The following NUBPL variants were observed in gnomAD, a reference collection of about 807,000 sequenced individuals.
NUBPL encodes iron-sulfur cluster transfer protein NUBPL.
NUBPL carries 31 observed loss-of-function variants against 45.7 expected under a neutral mutation model. That is an observed-to-expected ratio of 0.68 (90% CI 0.51 to 0.92). NUBPL has a LOEUF of 0.92. NUBPL is among the 40% of genes least tolerant of loss of function. NUBPL has a pLI of 0.00. For missense variants in NUBPL, 401 were observed against 398.7 expected (o/e 1.01, Z -0.05); for synonymous variants, 144 against 140.9 (o/e 1.02, Z -0.15).
Position 31,707,058 on chromosome 14 carries a change from C to G in NUBPL, c.513+33484C>G, listed in dbSNP as rs7152742. The stretch of plus-strand genomic sequence containing the variant: ...AGTTTCATTTTCTCTTAGTGAATAC[C>G]CATTGTGTCTTTTTTTCCTTAATCG... On this transcript the variant is annotated intron_variant, in intron 6 of 10. Transcript: ENST00000281081. Among the ~76,000 whole-genome samples the G allele has an allele frequency of 6.5e-3, 993 of 152,236 alleles. 11 individuals carry two copies. Among genetic ancestry groups the G allele is most frequent in the African/African-American group, 0.022 (930 of 41,554 alleles).
At chr14:31,736,292 A>T (rs1233728128) in intron 6 of NUBPL, among the ~76,000 whole-genome samples, 1 of 152,226 alleles carries the variant, frequency 6.6e-6, no homozygotes, top group African/African-American at 2.4e-5. Flanking sequence ...AAGTGTGCTA[A>T]TCTTAAAATA....
intron 3 of NUBPL, among the ~76,000 whole-genome samples, chr14:31,573,185 A>C (rs1184784417): frequency 2.6e-5 from 4 of 152,184 alleles, no homozygotes; most frequent in African/African-American, 9.7e-5. Flanking sequence ...TGCTGTCACT[A>C]GGCAATGGGA....
intron 6 of NUBPL, among the ~76,000 whole-genome samples, chr14:31,699,051 C>T (rs1018342468): frequency 1.1e-4 from 17 of 152,054 alleles, no homozygotes; most frequent in South Asian, 1.0e-3. Context: ...GATGGCATTT[C>T]GCCATGTTGG....
rs189361279 is a variant in NUBPL at position 31,719,423 on chromosome 14, A to T, written c.513+45849A>T. Among the ~76,000 whole-genome samples, 382 of 152,322 alleles carry T rather than the reference A, an allele frequency of 2.5e-3. 1 individual carries two copies. The highest frequency in any genetic ancestry group is 8.4e-3 in the African/African-American group (349 of 41,574). On this transcript the variant is annotated intron_variant, in intron 6 of 10. Transcript: ENST00000281081. Reference sequence around the variant, plus strand: ...AGACATAAGTCATACAGGTTAAGACATTATAAATAAATTAAATGGGAAATA... The same window carrying T: ...AGACATAAGTCATACAGGTTAAGACTTTATAAATAAATTAAATGGGAAATA...
intron 8 of NUBPL, chr14:31,846,101 C>G (rs1205147983): frequency 3.4e-6 from 1 of 291,980 alleles, no homozygotes; most frequent in East Asian, 9.4e-5. Flanking sequence ...TTTTATTTTG[C>G]TACCTTGGCT....
At chr14:31,637,902 G>A (rs1309207601) in intron 4 of NUBPL, among the ~76,000 whole-genome samples, 1 of 152,152 alleles carries the variant, frequency 6.6e-6, no homozygotes, top group Non-Finnish European at 1.5e-5. Flanking sequence ...CAGAGACTAG[G>A]ATTGCAACGC....
chr14:31,614,065 A>T (rs2139608801), intron 4 of NUBPL, among the ~76,000 whole-genome samples: 1 of 152,210 alleles, frequency 6.6e-6, no homozygotes, highest in African/African-American at 2.4e-5. Flanking sequence ...TGAAACGTTG[A>T]CTTCTTTATG....
intron 4 of NUBPL, among the ~76,000 whole-genome samples, chr14:31,666,263 A>ATATATATATATATATTATT: frequency 8.9e-6 from 1 of 111,888 alleles, no homozygotes. Context: ...ATATATATAT[A>ATATATATATATATATTATT]ATTTTATTTT....
Position 31,635,698 on chromosome 14 carries a change from G to A in NUBPL, c.382+36319G>A, listed in dbSNP as rs1177864603. Among the ~76,000 whole-genome samples, 5 of 146,372 alleles carry A rather than the reference G, an allele frequency of 3.4e-5. No individual in the cohort carries two copies. In the East Asian group the frequency reaches 1.0e-3, roughly 31 times the overall value. On this transcript the variant is annotated intron_variant, in intron 4 of 10. Coordinates refer to ENST00000281081, the MANE Select transcript of NUBPL (RefSeq NM_025152.3). ...CCTTGGGCAGTATGGCGATTTTCAT[G>A]ATATTGATTCTTCCTACCCATGAGC...
intron 4 of NUBPL, among the ~76,000 whole-genome samples, chr14:31,621,132 C>A (rs993721414): frequency 6.6e-6 from 1 of 152,172 alleles, no homozygotes; most frequent in Non-Finnish European, 1.5e-5. Context: ...TGCTCCTCCC[C>A]CTACGAAGGT....
At chr14:31,687,962 C>T (rs1313784108) in intron 6 of NUBPL, among the ~76,000 whole-genome samples, 1 of 152,168 alleles carries the variant, frequency 6.6e-6, no homozygotes, top group African/African-American at 2.4e-5. Context: ...GTTGCTGCAG[C>T]TACATTATCA....
At chr14:31,585,605 GTT>G (rs2033975905) in intron 3 of NUBPL, among the ~76,000 whole-genome samples, 1 of 152,142 alleles carries the variant, frequency 6.6e-6, no homozygotes, top group Non-Finnish European at 1.5e-5. Context: ...CTGTCTAACT[GTT>G]TGAGGAACTG....
At chr14:31,641,665 T>C (rs2035703754) in intron 4 of NUBPL, among the ~76,000 whole-genome samples, 1 of 152,224 alleles carries the variant, frequency 6.6e-6, no homozygotes. Flanking sequence ...CTGTTTGATA[T>C]ATTGATTTTC....
At chr14:31,704,618 A>G (rs1223957955) in intron 6 of NUBPL, among the ~76,000 whole-genome samples, 1 of 152,072 alleles carries the variant, frequency 6.6e-6, no homozygotes, top group Non-Finnish European at 1.5e-5. Flanking sequence ...AGCCAAGATC[A>G]TGCCACTGCA....
chr14:31,563,548 C>T (rs2033356685), intron 2 of NUBPL, among the ~76,000 whole-genome samples: 1 of 152,162 alleles, frequency 6.6e-6, no homozygotes, highest in Non-Finnish European at 1.5e-5. Flanking sequence ...GTGAGCATAT[C>T]TAAGTCTTAA....
At chr14:31,734,164 TTCTG>T (rs1216775026) in intron 6 of NUBPL, among the ~76,000 whole-genome samples, 4 of 152,204 alleles carry the variant, frequency 2.6e-5, no homozygotes, top group Non-Finnish European at 5.9e-5. Flanking sequence ...TTTAAGGATT[TTCTG>T]TCTATGTTCA....
rs982982261 is a variant in NUBPL, at chr14:31,753,606, A to T, written c.514-34174A>T. On this transcript the variant is annotated intron_variant, in intron 6 of 10. Transcript: ENST00000281081. The stretch of plus-strand genomic sequence containing the variant: ...GTCCCAGGTCAGGATGAAGTCTAGA[A>T]GTGGCACTATTCCCAAAAAGGTGCT... Among the ~76,000 whole-genome samples the T allele has an allele frequency of 6.6e-5, 10 of 152,270 alleles. No individual in the cohort carries two copies. The South Asian group carries it at 1.9e-3, about 28-fold the overall frequency.
At chr14:31,631,294 G>A (rs2035335518) in intron 4 of NUBPL, among the ~76,000 whole-genome samples, 2 of 152,148 alleles carry the variant, frequency 1.3e-5, no homozygotes, top group South Asian at 4.2e-4. Context: ...GCTCTTTTAT[G>A]GCCAGGAGCA....
chr14:31,833,988 T>A (rs1316802495), intron 8 of NUBPL, among the ~76,000 whole-genome samples: 1 of 152,174 alleles, frequency 6.6e-6, no homozygotes, highest in Non-Finnish European at 1.5e-5. Flanking sequence ...TGGAAACAAA[T>A]ATATAGATTA....
Sources: allele counts gnomAD v4.1 joint callset (sites outside exome capture counted in the v4.1 genomes callset), GRCh38; gene constraint gnomAD v4.1.1; transcripts MANE v1.5; gene names NCBI Gene and HGNC (gene_info 2026-07-23, HGNC 2026-07-21).